Variants in CDH18 observed in about 807,000 individuals in gnomAD.
CDH18 encodes the protein cadherin 18.
Under a neutral mutation model 67.9 loss-of-function variants are expected in CDH18, and 31 were observed. The observed-to-expected ratio is 0.46, with a 90% CI of 0.34 to 0.62. CDH18 has a LOEUF of 0.62. Ranked by LOEUF, CDH18 falls within the 20% of genes least tolerant of loss-of-function variation. The pLI is 0.01. For synonymous variants in CDH18, 362 were observed against 347.2 expected (o/e 1.04, Z -0.48); for missense variants, 890 against 975.5 (o/e 0.91, Z 1.17).
At chr5:20,081,626 ATAT>A (rs1744483665) in intron 2 of CDH18, among the ~76,000 whole-genome samples, 1 of 152,202 alleles carries the variant, frequency 6.6e-6, no homozygotes, top group Non-Finnish European at 1.5e-5. Context: ...CACAAAAAGA[ATAT>A]TATGTCTTTT....
At chr5:19,851,636 A>G (rs1783705429) in intron 2 of CDH18, among the ~76,000 whole-genome samples, 1 of 151,880 alleles carries the variant, frequency 6.6e-6, no homozygotes, top group South Asian at 2.1e-4. Flanking sequence ...TTATAAATGC[A>G]TTTTATGTCT....
chr5:20,523,760 G>A (rs376803960), intron 1 of CDH18, among the ~76,000 whole-genome samples: 3 of 152,162 alleles, frequency 2.0e-5, no homozygotes, highest in Admixed American at 6.5e-5. Flanking sequence ...GGCTGGTCTC[G>A]AACTCCTGAC....
At chr5:20,028,904 C>A (rs1580073793) in intron 2 of CDH18, among the ~76,000 whole-genome samples, 1 of 152,156 alleles carries the variant, frequency 6.6e-6, no homozygotes, top group Non-Finnish European at 1.5e-5. Context: ...GCGACTGAAT[C>A]TTAATTCCTT....
chr5:20,051,660 A>G (rs1388179690), intron 2 of CDH18, among the ~76,000 whole-genome samples: 1 of 152,064 alleles, frequency 6.6e-6, no homozygotes, highest in Non-Finnish European at 1.5e-5. Flanking sequence ...TTCCAAGAAT[A>G]GATTTGCAGA....
At chr5:20,048,924 A>G (rs1485090390) in intron 2 of CDH18, among the ~76,000 whole-genome samples, 1 of 151,784 alleles carries the variant, frequency 6.6e-6, no homozygotes, top group South Asian at 2.1e-4. Flanking sequence ...TGATTTCTAT[A>G]TAAAATATTT....
At chr5:20,150,830 T>C (rs1435977) in intron 2 of CDH18, among the ~76,000 whole-genome samples, 71,605 of 151,696 alleles carry the variant, frequency 0.47, 17,419 homozygotes, top group Middle Eastern at 0.63. Flanking sequence ...TTTACTCACA[T>C]TGTAATACAT....
At chr5:20,237,918 C>T (rs1742599678) in intron 2 of CDH18, among the ~76,000 whole-genome samples, 1 of 151,912 alleles carries the variant, frequency 6.6e-6, no homozygotes, top group Non-Finnish European at 1.5e-5. Flanking sequence ...TATTAACCTA[C>T]ATTAAATAAG....
chr5:19,510,211 C>T (rs1025162057), intron 10 of CDH18, among the ~76,000 whole-genome samples: 4 of 152,062 alleles, frequency 2.6e-5, no homozygotes, highest in African/African-American at 9.7e-5. Flanking sequence ...CAGGATGCAT[C>T]GGATTTCTTC....
At chr5:20,209,827 T>C (rs1740212094) in intron 2 of CDH18, among the ~76,000 whole-genome samples, 1 of 151,866 alleles carries the variant, frequency 6.6e-6, no homozygotes, top group Non-Finnish European at 1.5e-5. Flanking sequence ...ATTTGATATT[T>C]ACACATTATA....
At chr5:20,387,800 C>T (rs531593762) in intron 1 of CDH18, among the ~76,000 whole-genome samples, 3 of 152,180 alleles carry the variant, frequency 2.0e-5, no homozygotes, top group South Asian at 2.1e-4. Flanking sequence ...TTGTCAAAGA[C>T]CTTTTCTGCA....
chr5:20,208,680 A>T (rs1740109124), intron 2 of CDH18, among the ~76,000 whole-genome samples: 1 of 152,086 alleles, frequency 6.6e-6, no homozygotes, highest in African/African-American at 2.4e-5. Context: ...TTTTGTGTAA[A>T]ATCTCAAAAG....
intron 6 of CDH18, among the ~76,000 whole-genome samples, chr5:19,610,674 A>G (rs1748803385): frequency 6.6e-6 from 1 of 152,104 alleles, no homozygotes; most frequent in African/African-American, 2.4e-5. Context: ...AAATTATAAT[A>G]AAGAGTATAT....
At chr5:20,303,871 C>T (rs537322069) in intron 1 of CDH18, among the ~76,000 whole-genome samples, 5 of 152,178 alleles carry the variant, frequency 3.3e-5, no homozygotes, top group Admixed American at 1.3e-4. Flanking sequence ...AGGGAGAGTG[C>T]GGTTTCTTGA....
At chr5:19,583,085 G>A (rs747630075) in intron 7 of CDH18, among the ~76,000 whole-genome samples, 31 of 151,850 alleles carry the variant, frequency 2.0e-4, no homozygotes, top group Non-Finnish European at 3.5e-4. Flanking sequence ...CCCATGGTGG[G>A]GTATGGAAAT....
At chr5:20,356,956 A>G (rs562614760) in intron 1 of CDH18, among the ~76,000 whole-genome samples, 1 of 151,148 alleles carries the variant, frequency 6.6e-6, no homozygotes, top group African/African-American at 2.4e-5. Context: ...TATATGTAGT[A>G]ATAACTGTAA....
intron 1 of CDH18, among the ~76,000 whole-genome samples, chr5:20,298,857 G>T (rs1018445524): frequency 1.3e-5 from 2 of 151,990 alleles, no homozygotes; most frequent in African/African-American, 4.8e-5. Flanking sequence ...GGAGACTGAA[G>T]AACTGAAGAA....
intron 1 of CDH18, among the ~76,000 whole-genome samples, chr5:20,552,475 TCAAA>T (rs1218683017): frequency 4.6e-5 from 7 of 152,154 alleles, no homozygotes; most frequent in Non-Finnish European, 5.9e-5. Flanking sequence ...AGACTCAGTT[TCAAA>T]CAAACAAACA....
chr5:19,476,851 C>A (rs936403122), intron 12 of CDH18, among the ~76,000 whole-genome samples: 6 of 151,798 alleles, frequency 4.0e-5, no homozygotes, highest in African/African-American at 4.8e-5. Flanking sequence ...AATATTTGTG[C>A]AATTTTTCAA....
chr5:19,778,984 T>A (rs142827882), intron 3 of CDH18, among the ~76,000 whole-genome samples: 1 of 152,196 alleles, frequency 6.6e-6, no homozygotes, highest in Non-Finnish European at 1.5e-5. Flanking sequence ...CTTTCACAAA[T>A]GATGTCTCTG....
Sources: gnomAD v4.1 joint callset for allele counts (sites outside exome capture counted in the v4.1 genomes callset) on GRCh38, gnomAD v4.1.1 for gene constraint, MANE v1.5 for transcripts, NCBI Gene and HGNC (gene_info 2026-07-23, HGNC 2026-07-21) for gene names.